The following SEPTIN6 variants were observed in gnomAD, a reference collection of about 807,000 sequenced individuals.
SEPTIN6 encodes the protein septin-6.
SEPTIN6 carries 8 observed loss-of-function variants against 33.6 expected under a neutral mutation model. The observed-to-expected ratio is 0.24, with a 90% CI of 0.14 to 0.43. The LOEUF (loss-of-function observed/expected upper bound fraction) is 0.43, where lower values mean the gene tolerates loss of function less well. Among genes scored for constraint, SEPTIN6 ranks in the 20% least tolerant of loss-of-function variants. The pLI, the probability that SEPTIN6 is intolerant of heterozygous loss-of-function variation, is 1.00. For missense variants in SEPTIN6, 250 were observed against 340.8 expected (o/e 0.73, Z 2.10); for synonymous variants, 131 against 140.0 (o/e 0.94, Z 0.45).
At chrX:119,645,805 C>T (rs1406505099) in intron 5 of SEPTIN6, among the ~76,000 whole-genome samples, 2 of 111,596 alleles carry the variant, frequency 1.8e-5, no homozygotes, top group Admixed American at 9.5e-5. Flanking sequence ...GCTGGGATTA[C>T]ACGTGTGAGC....
intron 10 of SEPTIN6, among the ~76,000 whole-genome samples, chrX:119,623,216 C>T (rs910305391): frequency 4.5e-5 from 5 of 111,739 alleles, no homozygotes; most frequent in African/African-American, 1.6e-4. Context: ...TCCAAACAAA[C>T]CAAATGTAAA....
chrX:119,633,050 T>A (rs1023981320), intron 8 of SEPTIN6, among the ~76,000 whole-genome samples: 4 of 112,827 alleles, frequency 3.5e-5, no homozygotes, highest in African/African-American at 1.3e-4. Context: ...CCATGGTGTA[T>A]ATGTACCACA....
chrX:119,651,671 C>CA (rs1043646753), intron 4 of SEPTIN6, among the ~76,000 whole-genome samples: 2 of 109,878 alleles, frequency 1.8e-5, no homozygotes, highest in South Asian at 3.8e-4. Flanking sequence ...AAGTCCGTCT[C>CA]AAAAATAAAT....
Position 119,617,956 on chromosome X carries a change from G to C in SEPTIN6, c.*2137C>G. ...AATCTGTACACAAATGCAAATGAGG[G>C]CGCCTCCGGTTTGTAATGCAAATAA... is the stretch of plus-strand genomic sequence containing the variant. On this transcript the variant is annotated 3_prime_UTR_variant, in exon 11 of 11. Coordinates refer to ENST00000394610, the MANE Select transcript of SEPTIN6 (RefSeq NM_145799.4). The C allele has an allele frequency of 1.2e-6, 1 of 804,622 alleles. No individual in the cohort carries two copies. Among genetic ancestry groups the C allele is most frequent in the Non-Finnish European group, 1.5e-6 (1 of 670,283 alleles). 66.3% of individuals were successfully genotyped at this position (804,622 alleles called of 1,213,427 possible).
intron 2 of SEPTIN6, among the ~76,000 whole-genome samples, chrX:119,666,524 A>G (rs1283623581): frequency 1.8e-5 from 2 of 111,511 alleles, no homozygotes; most frequent in East Asian, 5.7e-4. Flanking sequence ...GAAGGGAGAG[A>G]GAGAGAAGAG....
intron 2 of SEPTIN6, among the ~76,000 whole-genome samples, chrX:119,666,307 C>A (rs914499388): frequency 2.7e-5 from 3 of 111,838 alleles, no homozygotes; most frequent in Non-Finnish European, 5.6e-5. Context: ...TGCCAAACCC[C>A]GCCTTGCGAC....
chrX:119,651,667 G>A lies in SEPTIN6; in HGVS notation c.528+1187C>T, dbSNP rs766383873. 2.6e-3 allele frequency among the ~76,000 whole-genome samples: 284 copies of A among 110,951 alleles called. 2 individuals are homozygous for A. Among genetic ancestry groups the A allele is most frequent in the African/African-American group, 8.1e-3 (248 of 30,477 alleles). On this transcript the variant is annotated intron_variant, in intron 4 of 10. Coordinates refer to ENST00000394610, the MANE Select transcript of SEPTIN6 (RefSeq NM_145799.4). ...GTCTGGGCAACAAGAGTGAAAGTCC[G>A]TCTCAAAAATAAATAAATAAATAAA...
At chrX:119,687,024 G>A (rs112331942) in intron 1 of SEPTIN6, among the ~76,000 whole-genome samples, 5,497 of 110,345 alleles carry the variant, frequency 0.05, 197 homozygotes, top group African/African-American at 0.12. Context: ...GTGTTTAATC[G>A]TATCACCCAC....
downstream of SEPTIN6, chrX:119,616,778 AT>A: frequency 8.7e-7 from 1 of 1,152,061 alleles, no homozygotes; most frequent in Non-Finnish European, 1.2e-6. Context: ...AAAACATGAA[AT>A]TAGCCAAAGA....
Position 119,642,192 on chromosome X carries a change from A to AG in SEPTIN6, c.691-1405_691-1404insC, listed in dbSNP as rs1215782926. Among the ~76,000 whole-genome samples the AG allele has an allele frequency of 1.9e-4, 21 of 109,490 alleles. 1 individual carries two copies. The highest frequency in any genetic ancestry group is 1.6e-3 in the South Asian group (4 of 2,563). ...GACCCAGTCTCAAAAAAAAAAAAAA[A>AG]AAAAAGAAAAATCAAGGTTGTAAAC... On this transcript the variant is annotated intron_variant, in intron 5 of 10. Coordinates refer to ENST00000394610, the MANE Select transcript of SEPTIN6 (RefSeq NM_145799.4).
At chrX:119,662,803 T>C (rs1413861675) in intron 3 of SEPTIN6, among the ~76,000 whole-genome samples, 5 of 112,870 alleles carry the variant, frequency 4.4e-5, no homozygotes, top group African/African-American at 1.6e-4. Context: ...ACAGTGACTC[T>C]GCCTCTGTCT....
Position 119,617,952 on chromosome X carries a change from G to A in SEPTIN6, c.*2141C>T. Reference sequence around the variant, plus strand: ...AGTTAATCTGTACACAAATGCAAATGAGGGCGCCTCCGGTTTGTAATGCAA... The same window carrying A: ...AGTTAATCTGTACACAAATGCAAATAAGGGCGCCTCCGGTTTGTAATGCAA... On this transcript the variant is annotated 3_prime_UTR_variant, in exon 11 of 11. Transcript: ENST00000394610. 1 of 804,850 alleles carries A rather than the reference G, an allele frequency of 1.2e-6. No individual in the cohort carries two copies. Among genetic ancestry groups the A allele is most frequent in the Non-Finnish European group, 1.5e-6 (1 of 670,344 alleles). 66.3% of individuals were successfully genotyped at this position (804,850 alleles called of 1,213,427 possible). A position where few individuals can be genotyped will look rare whatever the true frequency, so the allele number is the denominator to read the frequency against.
At chrX:119,646,500 C>G (rs6646438) in intron 5 of SEPTIN6, among the ~76,000 whole-genome samples, 1,683 of 111,843 alleles carry the variant, frequency 0.015, 20 homozygotes, top group African/African-American at 0.051. Context: ...GTATTAAAGT[C>G]TACAACCTTG....
At chrX:119,646,766 G>C (rs1378770258) in intron 5 of SEPTIN6, 1 of 304,559 alleles carries the variant, frequency 3.3e-6, no homozygotes, top group Non-Finnish European at 7.1e-6. Context: ...TGGGGTGGCT[G>C]AGGCTGTGGG....
At chrX:119,651,367 T>C (rs922063387) in intron 4 of SEPTIN6, among the ~76,000 whole-genome samples, 2 of 111,937 alleles carry the variant, frequency 1.8e-5, no homozygotes, top group Admixed American at 9.5e-5. Context: ...CAAGTCCCCA[T>C]TGACACACTA....
intron 4 of SEPTIN6, among the ~76,000 whole-genome samples, chrX:119,652,218 C>T (rs946439576): frequency 4.5e-5 from 5 of 111,616 alleles, no homozygotes; most frequent in Non-Finnish European, 7.5e-5. Flanking sequence ...GCCACCGCAC[C>T]CAGCCAAGTT....
At chrX:119,671,669 AG>A (rs2054751590) in intron 2 of SEPTIN6, among the ~76,000 whole-genome samples, 1 of 109,866 alleles carries the variant, frequency 9.1e-6, no homozygotes, top group Non-Finnish European at 1.9e-5. Context: ...CAGGAGGCTG[AG>A]GTGGGAGGAT....
chrX:119,649,528 A>G (rs1002797796), intron 5 of SEPTIN6, among the ~76,000 whole-genome samples: 6 of 107,126 alleles, frequency 5.6e-5, no homozygotes, highest in Non-Finnish European at 1.2e-4. Context: ...AGAGTTGACT[A>G]CACTAAGATG....
At chrX:119,690,354 C>T (rs1422936090) in intron 1 of SEPTIN6, among the ~76,000 whole-genome samples, 17 of 98,648 alleles carry the variant, frequency 1.7e-4, no homozygotes, top group African/African-American at 6.0e-4. Flanking sequence ...CACATACACA[C>T]ACACACACAC....
Sources: allele counts gnomAD v4.1 joint callset (sites outside exome capture counted in the v4.1 genomes callset), GRCh38; gene constraint gnomAD v4.1.1; transcripts MANE v1.5; gene names NCBI Gene and HGNC (gene_info 2026-07-23, HGNC 2026-07-21).